ADGRL2: variants seen among roughly 807,000 people sequenced by gnomAD.
ADGRL2 encodes the protein calcium-independent alpha-latrotoxin receptor 2.
A neutral mutation model predicts 157.4 loss-of-function variants in ADGRL2; 44 were observed. The observed-to-expected ratio is 0.28, with a 90% CI of 0.22 to 0.36. The LOEUF is 0.36. Among genes scored for constraint, ADGRL2 ranks in the 10% least tolerant of loss-of-function variants. The pLI is 1.00. For synonymous variants in ADGRL2, 585 were observed against 624.7 expected (o/e 0.94, Z 0.95); for missense variants, 1,510 against 1,768.9 (o/e 0.85, Z 2.63).
At chr1:81,970,560 GT>G in intron 16 of ADGRL2, 26 bp downstream of exon 16, 2 of 1,558,668 alleles carry the variant, frequency 1.3e-6, no homozygotes, top group East Asian at 2.3e-5. Flanking sequence ...CGACCTGAGT[GT>G]TTTTCAAGTG....
chr1:81,750,706 G>C (rs2085461353), intron 1 of ADGRL2, among the ~76,000 whole-genome samples: 2 of 151,920 alleles, frequency 1.3e-5, no homozygotes, highest in Non-Finnish European at 2.9e-5. Flanking sequence ...AACAGAGCAA[G>C]ACTCCATTTC....
At chr1:81,731,274 A>G (rs898825064) in intron 1 of ADGRL2, among the ~76,000 whole-genome samples, 1 of 152,184 alleles carries the variant, frequency 6.6e-6, no homozygotes, top group African/African-American at 2.4e-5. Flanking sequence ...ACTTGAGTTC[A>G]TTAAAATTTT....
intron 3 of ADGRL2, among the ~76,000 whole-genome samples, chr1:81,604,632 C>T (rs77252683): frequency 0.017 from 2,548 of 152,226 alleles, 50 homozygotes; most frequent in African/African-American, 0.056. Context: ...AAAATCAAGA[C>T]AGTCATGGGC....
Position 81,595,894 on chromosome 1 carries a change from C to A in ADGRL2, c.-143+14914C>A, listed in dbSNP as rs116818660. Among the ~76,000 whole-genome samples, 1,292 of 152,214 alleles carry A rather than the reference C, an allele frequency of 8.5e-3. 31 individuals are homozygous for A. The highest frequency in any genetic ancestry group is 0.029 in the African/African-American group (1,222 of 41,538). On this transcript the variant is annotated intron_variant, in intron 3 of 24. Transcript: ENST00000370721. The stretch of plus-strand genomic sequence containing the variant: ...GAAGCTGAGAAGTCCAAGAGCAAGG[C>A]GCCAGCAGATTCAGCATCTGTTGAG...
intron 1 of ADGRL2, among the ~76,000 whole-genome samples, chr1:81,402,368 T>G (rs973431325): frequency 5.3e-5 from 8 of 152,136 alleles, no homozygotes; most frequent in Admixed American, 2.0e-4. Context: ...GAGAAAGTGC[T>G]TCCGTGATTA....
rs368204749 is a variant in ADGRL2 at position 81,629,887 on chromosome 1, A to G, written c.-143+48907A>G. Among the ~76,000 whole-genome samples, 22 of 152,058 alleles carry G rather than the reference A, an allele frequency of 1.4e-4. No homozygotes were observed. The East Asian group carries it at 2.5e-3, about 17-fold the overall frequency. ...ATTGCAAGTGTGAGCCACCATGTCC[A>G]GCCTAATTTTTTATTAATCCTTTAT... On this transcript the variant is annotated intron_variant, in intron 3 of 24. Coordinates refer to the ADGRL2 transcript ENST00000370721.
intron 2 of ADGRL2, among the ~76,000 whole-genome samples, chr1:81,489,798 TG>T (rs746396795): frequency 6.6e-5 from 10 of 152,154 alleles, no homozygotes; most frequent in Non-Finnish European, 1.3e-4. Context: ...CCAACAGCAG[TG>T]GGCCAATATA....
At chr1:81,701,007 G>T (rs377272662) in intron 1 of ADGRL2, among the ~76,000 whole-genome samples, 2 of 152,196 alleles carry the variant, frequency 1.3e-5, no homozygotes, top group African/African-American at 2.4e-5. Flanking sequence ...ACTTGCACTT[G>T]CTCATTAATA....
chr1:81,690,388 G>A (rs1312652837), intron 3 of ADGRL2, among the ~76,000 whole-genome samples: 1 of 152,196 alleles, frequency 6.6e-6, no homozygotes, highest in Admixed American at 6.5e-5. Flanking sequence ...AGCTACTAGT[G>A]AGGCTGAGGC....
chr1:81,774,112 G>A (rs928687198), intron 2 of ADGRL2, among the ~76,000 whole-genome samples: 5 of 152,092 alleles, frequency 3.3e-5, no homozygotes, highest in Non-Finnish European at 7.4e-5. Context: ...TGTTTAAGTC[G>A]CCCTGTCTGT....
intron 1 of ADGRL2, among the ~76,000 whole-genome samples, chr1:81,354,588 A>G (rs58615721): frequency 0.013 from 2,049 of 152,242 alleles, 50 homozygotes; most frequent in African/African-American, 0.047. Flanking sequence ...CACATCACTC[A>G]TCTCTCATCC....
chr1:81,451,977 C>T lies in ADGRL2; in HGVS notation c.-248+6888C>T, dbSNP rs574067080. Among the ~76,000 whole-genome samples the T allele has an allele frequency of 6.6e-4, 100 of 152,140 alleles. No homozygotes were observed. In the Middle Eastern group the frequency reaches 0.014, roughly 21 times the overall value. ...TATAATGTAGTGTACAACTTCTGTG[C>T]GTTCTCTCTTCTCTCCATGGGTTCA... On this transcript the variant is annotated intron_variant, in intron 2 of 24. Coordinates refer to the ADGRL2 transcript ENST00000370721.
chr1:81,333,809 T>A (rs1454456872), intron 1 of ADGRL2, among the ~76,000 whole-genome samples: 1 of 152,170 alleles, frequency 6.6e-6, no homozygotes, highest in East Asian at 1.9e-4. Flanking sequence ...AATGGAAAGT[T>A]ATAGTGTTCT....
chr1:81,822,604 C>A (rs144784581), intron 1 of ADGRL2, among the ~76,000 whole-genome samples: 4 of 152,114 alleles, frequency 2.6e-5, no homozygotes, highest in African/African-American at 7.2e-5. Flanking sequence ...CCTCAGACTT[C>A]TAGGCTCTAG....
chr1:81,750,967 A>G (rs2149266086), intron 1 of ADGRL2, among the ~76,000 whole-genome samples: 1 of 152,290 alleles, frequency 6.6e-6, no homozygotes, highest in Admixed American at 6.5e-5. Context: ...TTTCTCAATA[A>G]CATTCTCATC....
intron 1 of ADGRL2, among the ~76,000 whole-genome samples, chr1:81,760,756 T>C (rs1214496610): frequency 6.6e-6 from 1 of 151,628 alleles, no homozygotes; most frequent in African/African-American, 2.4e-5. Context: ...TGAGTTATAA[T>C]ATCAAAATTG....
At chr1:81,707,711 C>A (rs1570906673) in intron 1 of ADGRL2, among the ~76,000 whole-genome samples, 1 of 152,172 alleles carries the variant, frequency 6.6e-6, no homozygotes, top group East Asian at 1.9e-4. Flanking sequence ...TCTACCCAAA[C>A]CAATCTGATA....
At chr1:81,339,097 C>T (rs1661868346) in intron 1 of ADGRL2, among the ~76,000 whole-genome samples, 1 of 152,090 alleles carries the variant, frequency 6.6e-6, no homozygotes, top group South Asian at 2.1e-4. Flanking sequence ...CCCATAGTGT[C>T]TTGTGAATAT....
At chr1:81,899,769 T>A (rs2094455432) in intron 2 of ADGRL2, among the ~76,000 whole-genome samples, 1 of 152,182 alleles carries the variant, frequency 6.6e-6, no homozygotes, top group East Asian at 1.9e-4. Context: ...GGAATGAATA[T>A]CACAGTAATA....
Sources: gnomAD v4.1 joint callset for allele counts (sites outside exome capture counted in the v4.1 genomes callset) on GRCh38, gnomAD v4.1.1 for gene constraint, MANE v1.5 for transcripts, NCBI Gene and HGNC (gene_info 2026-07-23, HGNC 2026-07-21) for gene names.